DYNC1H1: variants seen among roughly 807,000 people sequenced by gnomAD.
DYNC1H1 encodes the protein dynein cytoplasmic 1 heavy chain 1.
A neutral mutation model predicts 527.1 loss-of-function variants in DYNC1H1; 51 were observed. The observed-to-expected ratio is 0.10, with a 90% CI of 0.08 to 0.12. The LOEUF (loss-of-function observed/expected upper bound fraction) is 0.12, where lower values mean the gene tolerates loss of function less well. Ranked by LOEUF, DYNC1H1 falls within the 10% of genes least tolerant of loss-of-function variation. The probability of loss-of-function intolerance (pLI) is 1.00; values close to 1 mark genes in which losing one functional copy is unlikely to be tolerated. For missense variants in DYNC1H1, 2,771 were observed against 5,971.8 expected (o/e 0.46, Z 17.66); for synonymous variants, 2,189 against 2,278.8 (o/e 0.96, Z 1.12).
intron 2 of DYNC1H1, among the ~76,000 whole-genome samples, chr14:101,976,259 C>A (rs949526623): frequency 1.3e-5 from 2 of 150,912 alleles, no homozygotes; most frequent in African/African-American, 4.9e-5. Flanking sequence ...AGAAAACACT[C>A]AAGCCCGGCA....
rs772647571 is a variant in DYNC1H1 at position 102,016,904 on chromosome 14, C to T, written c.7753C>T (p.Leu2585=). Residue 2585 remains leucine, a synonymous_variant, in exon 38 of 78, where the codon CTG becomes TTG. Coordinates refer to ENST00000360184, the MANE Select transcript of DYNC1H1 (RefSeq NM_001376.5). This position sits in a 1 kb window ranked among gnomAD's most constrained non-coding sequence, Gnocchi z 7.3. ...VRHEALLYTW[L]AEHKPLVLCG... is the part of the protein sequence containing the mutation. ...CCACGAAGCCCTCTTGTACACTTGGCTGGCCGAACACAAGCCCCTGGTCTT... is the reference window on the plus strand; with the variant it reads ...CCACGAAGCCCTCTTGTACACTTGGTTGGCCGAACACAAGCCCCTGGTCTT... The T allele has an allele frequency of 6.2e-7, 1 of 1,614,240 alleles. No individual in the cohort carries two copies. Among genetic ancestry groups the T allele is most frequent in the South Asian group, 1.1e-5 (1 of 91,090 alleles).
chr14:101,972,009 G>C (rs201045774), intron 1 of DYNC1H1, among the ~76,000 whole-genome samples: 1 of 151,996 alleles, frequency 6.6e-6, no homozygotes, highest in Non-Finnish European at 1.5e-5. Context: ...GTACAGTATT[G>C]GTCTGTTACA....
In DYNC1H1 at chr14:102,052,962, T is replaced by G. The variant is rs894648896; in HGVS notation, c.*2399T>G. 6.6e-6 allele frequency: 1 copy of G among 152,128 alleles called. No homozygotes were observed. The highest frequency in any genetic ancestry group is 2.4e-5 in the African/African-American group (1 of 41,422). 9.4% of individuals were successfully genotyped at this position (152,128 alleles called of 1,614,324 possible). ...TCGTTGCAGCTCCAGTTGGAATGAC[T>G]GGGGGTGTCTTCCGAATCGCCATCA... On this transcript the variant is annotated 3_prime_UTR_variant, in exon 78 of 78. Transcript: ENST00000360184.
In DYNC1H1 at chr14:101,983,620, C is replaced by A. The variant is rs553724469; in HGVS notation, c.1461+11C>A. 34 of 1,611,844 alleles carry A rather than the reference C, an allele frequency of 2.1e-5. No individual in the cohort carries two copies. The South Asian group carries it at 3.5e-4, about 17-fold the overall frequency. On this transcript the variant is annotated intron_variant, in intron 7 of 77. Coordinates refer to ENST00000360184, the MANE Select transcript of DYNC1H1 (RefSeq NM_001376.5). This position sits in a 1 kb window ranked among gnomAD's most constrained non-coding sequence, Gnocchi z 5.3. ...GTCCTGAGGCCACAGGTAAGATTTG[C>A]ATTCTAAAAGTTTGTGTTTTGTTTT...
At chr14:102,047,796 G>T (rs200937088) in intron 72 of DYNC1H1, 21 bp from the exon 73 acceptor site, 40 of 1,612,204 alleles carry the variant, frequency 2.5e-5, no homozygotes, top group East Asian at 6.7e-5. Flanking sequence ...TTCCTGCTGC[G>T]ACTGTGGGAC....
intron 44 of DYNC1H1, chr14:102,026,918 C>A: frequency 1.3e-6 from 1 of 789,162 alleles, no homozygotes; most frequent in Non-Finnish European, 2.1e-6. Flanking sequence ...CCCAGCACTG[C>A]ATACCTGCCA....
chr14:101,989,805 A>G (rs947513428), intron 10 of DYNC1H1, among the ~76,000 whole-genome samples: 2 of 152,242 alleles, frequency 1.3e-5, no homozygotes, highest in Non-Finnish European at 2.9e-5. Context: ...GAGTGTTTCT[A>G]AATTGATACA....
At chr14:101,975,450 T>C (rs1336778954) in intron 1 of DYNC1H1, among the ~76,000 whole-genome samples, 1 of 152,208 alleles carries the variant, frequency 6.6e-6, no homozygotes, top group Non-Finnish European at 1.5e-5. Flanking sequence ...TCCAGTGCTT[T>C]CATGCACCAA....
At position 101,979,182 on chromosome 14, in the gene DYNC1H1, A is replaced by T; in HGVS notation, c.345-137A>T. The T allele has an allele frequency of 1.2e-6, 1 of 831,058 alleles. No homozygotes were observed. Among genetic ancestry groups the T allele is most frequent in the Non-Finnish European group, 1.9e-6 (1 of 530,482 alleles). The allele number at this position is 831,058 out of a possible 1,614,324, so 51.5% of individuals were successfully genotyped here. A position where few individuals can be genotyped will look rare whatever the true frequency, so the allele number is the denominator to read the frequency against. Reference sequence around the variant, plus strand: ...CCATAACCTTGATTCAGTAGCTCTCATGTACTAAAGAAAGACAAGCAGTGC... The same window carrying T: ...CCATAACCTTGATTCAGTAGCTCTCTTGTACTAAAGAAAGACAAGCAGTGC... On this transcript the variant is annotated intron_variant, in intron 2 of 77. Coordinates refer to ENST00000360184, the MANE Select transcript of DYNC1H1 (RefSeq NM_001376.5). This position sits in a 1 kb window ranked among gnomAD's most constrained non-coding sequence, Gnocchi z 4.6.
At chr14:102,048,709 G>T in intron 74 of DYNC1H1, 40 bp downstream of exon 74, 1 of 1,601,374 alleles carries the variant, frequency 6.2e-7, no homozygotes, top group South Asian at 1.1e-5. Flanking sequence ...CTTCCGGCGG[G>T]CACCTTGGCC....
Position 102,050,736 on chromosome 14 carries a change from G to T in DYNC1H1, c.*173G>T, listed in dbSNP as rs2048798125. ...GGTGGAAATTGGAAGGATACCAGGA[G>T]GTATTTGGGAAGGCCAATGGCGTGG... On this transcript the variant is annotated 3_prime_UTR_variant, in exon 78 of 78. Coordinates refer to ENST00000360184, the MANE Select transcript of DYNC1H1 (RefSeq NM_001376.5). The T allele has an allele frequency of 3.7e-6, 4 of 1,075,620 alleles. No homozygotes were observed. The South Asian group carries it at 5.5e-5, about 15-fold the overall frequency. The allele number at this position is 1,075,620 out of a possible 1,614,324, so 66.6% of individuals were successfully genotyped here. A position where few individuals can be genotyped will look rare whatever the true frequency, so the allele number is the denominator to read the frequency against.
Position 102,019,376 on chromosome 14 carries a change from A to G in DYNC1H1, c.8344-517A>G, listed in dbSNP as rs917738608. ...TGCGGGGGATGAGTGGGAGCCGCCA[A>G]CTGCCCTGCTGTGTCTCCCTCGCTC... On this transcript the variant is annotated intron_variant, in intron 41 of 77. Coordinates refer to ENST00000360184, the MANE Select transcript of DYNC1H1 (RefSeq NM_001376.5). Among the ~76,000 whole-genome samples the G allele has an allele frequency of 3.3e-5, 5 of 152,288 alleles. No homozygotes were observed. In the South Asian group the frequency reaches 6.2e-4, roughly 19 times the overall value.
chr14:101,997,009 C>T lies in DYNC1H1; in HGVS notation c.3565-26C>T, dbSNP rs1310990871. The T allele has an allele frequency of 2.5e-6, 4 of 1,603,602 alleles. No homozygotes were observed. The African/African-American group carries it at 4.0e-5, about 16-fold the overall frequency. Reference sequence around the variant, plus strand: ...TCTATCATTGTTATAGAAGAAAAAACTTGATTTATTTTTTAACTCTCAAAG... The same window carrying T: ...TCTATCATTGTTATAGAAGAAAAAATTTGATTTATTTTTTAACTCTCAAAG... On this transcript the variant is annotated intron_variant, in intron 15 of 77. Coordinates refer to ENST00000360184, the MANE Select transcript of DYNC1H1 (RefSeq NM_001376.5). The surrounding 1 kb of genome is among the most constrained non-coding windows in gnomAD (Gnocchi z 4.8).
intron 1 of DYNC1H1, 48 bp from the exon 2 acceptor site, chr14:101,975,664 A>C: frequency 6.5e-7 from 1 of 1,534,438 alleles, no homozygotes; most frequent in Non-Finnish European, 9.0e-7. Context: ...GATAAATAAG[A>C]AATTGGAAAT....
Position 102,038,700 on chromosome 14 carries a change from C to T in DYNC1H1, c.11058C>T (p.Val3686=), listed in dbSNP as rs1363138805. The stretch of plus-strand genomic sequence containing the variant: ...TGTTCTGTTACCTATTTTGGCAGGT[C>T]GAGTTCCCACCAGATCTCTGTTCCC... ...VIFLSTRDPT[V]EFPPDLCSRV... Residue 3686 remains valine (V), a splice_region_variant and synonymous_variant, in exon 59 of 78, where the codon GTC becomes GTT. Transcript: ENST00000360184. This position sits in a 1 kb window ranked among gnomAD's most constrained non-coding sequence, Gnocchi z 7.2. The T allele has an allele frequency of 3.1e-6, 5 of 1,614,020 alleles. No individual in the cohort carries two copies. Among genetic ancestry groups the T allele is most frequent in the African/African-American group, 1.3e-5 (1 of 74,892 alleles).
chr14:101,990,836 C>T (rs1159171444), intron 10 of DYNC1H1, among the ~76,000 whole-genome samples: 1 of 151,962 alleles, frequency 6.6e-6, no homozygotes, highest in Non-Finnish European at 1.5e-5. Context: ...TGGTGAAACC[C>T]CATCTCTACT....
chr14:102,056,324 C>T lies in DYNC1H1; in HGVS notation c.*5761C>T, dbSNP rs1168026491. The T allele has an allele frequency of 2.0e-5, 3 of 152,226 alleles. No individual in the cohort carries two copies. Among genetic ancestry groups the T allele is most frequent in the East Asian group, 1.9e-4 (1 of 5,200 alleles). The allele number at this position is 152,226 out of a possible 1,614,324, so 9.4% of individuals were successfully genotyped here. On this transcript the variant is annotated 3_prime_UTR_variant, in exon 78 of 78. Transcript: ENST00000360184. ...TGCTCAATCAATCACGACCCTTTCA[C>T]GTAAAATCTTTAGTGTTGTGAGCCC...
rs1167242868 is a variant in DYNC1H1, at chr14:102,036,435, C to T, written c.10755-54C>T. 1 of 1,609,618 alleles carries T rather than the reference C, an allele frequency of 6.2e-7. No individual in the cohort carries two copies. Among genetic ancestry groups the T allele is most frequent in the Non-Finnish European group, 8.5e-7 (1 of 1,177,886 alleles). ...ATCAGGGACTCGGCTAACCGTGATC[C>T]TGTGCTTTCCCCATTCGGTGTTTCA... On this transcript the variant is annotated intron_variant, in intron 56 of 77. Transcript: ENST00000360184. The surrounding 1 kb of genome is among the most constrained non-coding windows in gnomAD (Gnocchi z 5.6).
At position 102,044,534 on chromosome 14, in the gene DYNC1H1, G is replaced by T. The variant is rs371684997; in HGVS notation, c.12902+43G>T. On this transcript the variant is annotated intron_variant, in intron 71 of 77. Transcript: ENST00000360184. The surrounding 1 kb of genome is among the most constrained non-coding windows in gnomAD (Gnocchi z 7.1). ...GGAATGGAGACAGTTGTGATGTCAGGGCGTCTGGTGTCACTCAGAGGTGAC... is the reference window on the plus strand; with the variant it reads ...GGAATGGAGACAGTTGTGATGTCAGTGCGTCTGGTGTCACTCAGAGGTGAC... The T allele has an allele frequency of 2.5e-6, 4 of 1,613,980 alleles. No homozygotes were observed. The African/African-American group carries it at 5.3e-5, about 22-fold the overall frequency.
Sources: gnomAD v4.1 joint callset for allele counts (sites outside exome capture counted in the v4.1 genomes callset) on GRCh38, gnomAD v4.1.1 for gene constraint, Gnocchi (gnomAD v3.1) non-coding constraint, MANE v1.5 for transcripts, NCBI Gene and HGNC (gene_info 2026-07-23, HGNC 2026-07-21) for gene names.